Variants in ABR observed in about 807,000 individuals in gnomAD.
The protein encoded by ABR is active breakpoint cluster region-related protein.
A neutral mutation model predicts 107.2 loss-of-function variants in ABR; 35 were observed. The ratio of observed to expected loss-of-function variants is 0.33; its 90% CI spans 0.25 to 0.43. The LOEUF (loss-of-function observed/expected upper bound fraction) is 0.43. ABR is among the 20% of genes least tolerant of loss of function. The pLI is 1.00. For synonymous variants in ABR, 498 were observed against 462.0 expected, an observed-to-expected ratio of 1.08 and a Z score of -1.00; for missense variants, 815 against 1,115.2, an observed-to-expected ratio of 0.73 and a Z score of 3.83.
chr17:1,147,994 G>A (rs1189165362), intron 1 of ABR, among the ~76,000 whole-genome samples: 3 of 152,038 alleles, frequency 2.0e-5, no homozygotes, highest in South Asian at 2.1e-4. Context: ...TGAGGGCCAC[G>A]CCTTCCCAGC....
chr17:1,057,786 A>G, intron 12 of ABR, 184 bp downstream of exon 12: 1 of 584,188 alleles, frequency 1.7e-6, no homozygotes, highest in Non-Finnish European at 3.1e-6. Flanking sequence ...CATGTCTTTC[A>G]GCCAATCAGT....
At chr17:1,215,504 G>T (rs963624426) in intron 1 of ABR, among the ~76,000 whole-genome samples, 11 of 152,226 alleles carry the variant, frequency 7.2e-5, no homozygotes, top group African/African-American at 2.7e-4. Flanking sequence ...GCCTCCCGAG[G>T]TGCCGGGATT....
chr17:1,194,854 T>C lies in ABR; in HGVS notation c.838+33939A>G, dbSNP rs1193176651. On this transcript the variant is annotated intron_variant, in intron 1 of 22. Transcript: ENST00000574139. ...TTTTAGTAGAGACAGGGTTTCGCCA[T>C]GTTGGCCAGACTGGTCTCGAACTCC... is the stretch of plus-strand genomic sequence containing the variant. Among the ~76,000 whole-genome samples, 2 of 124,796 alleles carry C rather than the reference T, an allele frequency of 1.6e-5. 1 individual carries two copies. The highest frequency in any genetic ancestry group is 7.7e-4 in the East Asian group (2 of 2,588). The allele number at this position is 124,796 out of a possible 152,430, so 81.9% of individuals were successfully genotyped here.
At position 1,070,269 on chromosome 17, in the gene ABR, T is replaced by C. The variant is rs2035119928; in HGVS notation, c.895-179A>G. Among the ~76,000 whole-genome samples, 1 of 152,068 alleles carries C rather than the reference T, an allele frequency of 6.6e-6. No homozygotes were observed. The highest frequency in any genetic ancestry group is 2.1e-4 in the South Asian group (1 of 4,824). On this transcript the variant is annotated intron_variant, in intron 8 of 22. Coordinates refer to ENST00000302538, the MANE Select transcript of ABR (RefSeq NM_021962.5). This position sits in a 1 kb window ranked among gnomAD's most constrained non-coding sequence, Gnocchi z 4.2. ...GGAGTCACATGGGCATGGGTTTGAATGCCAACAGGCTTCTCAGCTGTGATC... is the reference window on the plus strand; with the variant it reads ...GGAGTCACATGGGCATGGGTTTGAACGCCAACAGGCTTCTCAGCTGTGATC...
rs1247341901 is a variant in ABR at position 1,037,156 on chromosome 17, T to G, written c.1791+12894A>C. 1.3e-5 allele frequency among the ~76,000 whole-genome samples: 2 copies of G among 151,134 alleles called. No individual in the cohort carries two copies. The highest frequency in any genetic ancestry group is 3.0e-5 in the Non-Finnish European group (2 of 67,748). Reference sequence around the variant, plus strand: ...GTGGGGCTGGGAGAGGGGTCCAGGGTGGGCTCAAGGTTGAAGATGGGCACA... The same window carrying G: ...GTGGGGCTGGGAGAGGGGTCCAGGGGGGGCTCAAGGTTGAAGATGGGCACA... On this transcript the variant is annotated intron_variant, in intron 16 of 22. Coordinates refer to ENST00000302538, the MANE Select transcript of ABR (RefSeq NM_021962.5). This position sits in a 1 kb window ranked among gnomAD's most constrained non-coding sequence, Gnocchi z 4.6.
chr17:1,195,345 C>T (rs2042537407), intron 1 of ABR, among the ~76,000 whole-genome samples: 1 of 150,358 alleles, frequency 6.7e-6, no homozygotes, highest in South Asian at 2.2e-4. Flanking sequence ...ATCCTCCCAC[C>T]TTGGCCTCTC....
intron 16 of ABR, among the ~76,000 whole-genome samples, chr17:1,014,892 C>T (rs1416773966): frequency 6.6e-6 from 1 of 152,096 alleles, no homozygotes; most frequent in Non-Finnish European, 1.5e-5. Flanking sequence ...GCTCTTCTTT[C>T]CCTCACAGAG....
Position 1,092,389 on chromosome 17 carries a change from C to G in ABR, c.346-539G>C, listed in dbSNP as rs1451563019. On this transcript the variant is annotated intron_variant, in intron 3 of 22. Coordinates refer to ENST00000302538, the MANE Select transcript of ABR (RefSeq NM_021962.5). The surrounding 1 kb of genome is among the most constrained non-coding windows in gnomAD (Gnocchi z 4.6). ...GAGAGGCATGGGCGTTCACGTGTCC[C>G]CCACTGCAGCCCACCCCCGTGGCAG... is the stretch of plus-strand genomic sequence containing the variant. Among the ~76,000 whole-genome samples, 1 of 152,192 alleles carries G rather than the reference C, an allele frequency of 6.6e-6. No individual in the cohort carries two copies. Among genetic ancestry groups the G allele is most frequent in the African/African-American group, 2.4e-5 (1 of 41,448 alleles).
intron 16 of ABR, among the ~76,000 whole-genome samples, chr17:1,023,120 C>T (rs1227856656): frequency 2.7e-5 from 4 of 150,802 alleles, no homozygotes; most frequent in Admixed American, 2.6e-4. Context: ...ACGTCCACTA[C>T]AGCGCCTCTG....
chr17:1,102,499 C>G (rs187346677), intron 2 of ABR, among the ~76,000 whole-genome samples: 13 of 152,342 alleles, frequency 8.5e-5, no homozygotes. Flanking sequence ...AAGAAGACGA[C>G]TGTCTTGGGC....
chr17:1,228,104 A>G (rs1395251827), intron 1 of ABR: 1 of 152,200 alleles, frequency 6.6e-6, no homozygotes, highest in African/African-American at 2.4e-5. Context: ...GCTGGACTAG[A>G]CATGGTCTCT....
chr17:1,130,757 A>G (rs927929107), intron 1 of ABR, among the ~76,000 whole-genome samples: 3 of 152,184 alleles, frequency 2.0e-5, no homozygotes, highest in East Asian at 1.9e-4. Flanking sequence ...CTGTGTCCCT[A>G]TGGAAAGAGA....
rs571399770 is a variant in ABR, at chr17:1,004,878, G to A, written c.*1202C>T. 51 of 396,806 alleles carry A rather than the reference G, an allele frequency of 1.3e-4. No homozygotes were observed. Among genetic ancestry groups the A allele is most frequent in the African/African-American group, 5.9e-4 (29 of 48,750 alleles). The allele number at this position is 396,806 out of a possible 1,614,324, so 24.6% of individuals were successfully genotyped here. Reference sequence around the variant, plus strand: ...TTTGCTTCCCAGGTCCTGGAGGACCGTGGCAGTGCTTGGCTGTGGAGTGTG... The same window carrying A: ...TTTGCTTCCCAGGTCCTGGAGGACCATGGCAGTGCTTGGCTGTGGAGTGTG... On this transcript the variant is annotated 3_prime_UTR_variant, in exon 23 of 23. Transcript: ENST00000302538.
At chr17:1,015,144 C>G (rs969309071) in intron 16 of ABR, among the ~76,000 whole-genome samples, 1 of 152,052 alleles carries the variant, frequency 6.6e-6, no homozygotes, top group African/African-American at 2.4e-5. Flanking sequence ...CAGCCAGGCA[C>G]GGTGGCTCAC....
intron 16 of ABR, chr17:1,031,781 T>C (rs2072797434): frequency 4.1e-6 from 5 of 1,225,120 alleles, no homozygotes; most frequent in Non-Finnish European, 5.1e-6. Context: ...AGAAGGCGCC[T>C]GTGGAGCGCT....
chr17:1,222,696 G>A (rs2043140228), intron 1 of ABR, among the ~76,000 whole-genome samples: 1 of 152,200 alleles, frequency 6.6e-6, no homozygotes. Context: ...AGGATCACTT[G>A]AGCCCGGGAG....
At chr17:1,012,572 C>CCG in intron 18 of ABR, 116 bp downstream of exon 18, 1 of 773,038 alleles carries the variant, frequency 1.3e-6, no homozygotes, top group Non-Finnish European at 2.2e-6. Context: ...CACCGCCGAG[C>CCG]GGGGGGTAAC....
intron 1 of ABR, among the ~76,000 whole-genome samples, chr17:1,161,960 C>G (rs921925655): frequency 6.6e-6 from 1 of 152,154 alleles, no homozygotes; most frequent in Non-Finnish European, 1.5e-5. Context: ...CCTGGGAGCC[C>G]CAAACCAGCC....
intron 1 of ABR, among the ~76,000 whole-genome samples, chr17:1,160,670 G>A (rs948561629): frequency 3.3e-5 from 5 of 152,208 alleles, no homozygotes; most frequent in African/African-American, 7.2e-5. Context: ...CGCCGAGCGC[G>A]TACGAGGCTC....
Sources: allele counts gnomAD v4.1 joint callset (sites outside exome capture counted in the v4.1 genomes callset), GRCh38; gene constraint gnomAD v4.1.1; non-coding constraint Gnocchi (gnomAD v3.1); transcripts MANE v1.5; gene names NCBI Gene and HGNC (gene_info 2026-07-23, HGNC 2026-07-21).